The following CAV1 variants were observed in gnomAD, a reference collection of about 807,000 sequenced individuals.
CAV1 encodes the protein caveolin 1.
In CAV1, 10 loss-of-function variants were observed where a neutral mutation model predicts 16.5. The observed-to-expected ratio is 0.61, with a 90% CI of 0.37 to 1.03. CAV1 has a LOEUF of 1.03. Ranked by LOEUF, CAV1 falls within the 50% of genes least tolerant of loss-of-function variation. The probability of loss-of-function intolerance (pLI) is 0.01; values close to 1 mark genes in which losing one functional copy is unlikely to be tolerated. For synonymous variants in CAV1, 76 were observed against 85.1 expected, an observed-to-expected ratio of 0.89 and a Z score of 0.59; for missense variants, 212 against 232.8, an observed-to-expected ratio of 0.91 and a Z score of 0.58.
At chr7:116,551,217 C>A (rs568849167) in intron 2 of CAV1, among the ~76,000 whole-genome samples, 1 of 152,304 alleles carries the variant, frequency 6.6e-6, no homozygotes, top group African/African-American at 2.4e-5. Context: ...CCAGGTGATC[C>A]TTTTGCTGAG....
In CAV1 at chr7:116,546,697, CAA is replaced by C. The variant is rs5886830; in HGVS notation, c.196-12233_196-12232del. On this transcript the variant is annotated intron_variant, in intron 2 of 2. Coordinates refer to ENST00000341049, the MANE Select transcript of CAV1 (RefSeq NM_001753.5). ...GGGCAACAAGAATGAGACTCTGTCACAAAAAAAAAAAAAAAAAGTCTGCAGGC... is the reference window on the plus strand; with the variant it reads ...GGGCAACAAGAATGAGACTCTGTCACAAAAAAAAAAAAAAAGTCTGCAGGC... 2.3e-3 allele frequency among the ~76,000 whole-genome samples: 205 copies of C among 88,370 alleles called. 2 individuals are homozygous for C. Among genetic ancestry groups the C allele is most frequent in the East Asian group, 0.011 (37 of 3,406 alleles). The allele number at this position is 88,370 out of a possible 152,430, so 58.0% of individuals were successfully genotyped here.
intron 1 of CAV1, 175 bp from the exon 2 acceptor site, chr7:116,526,350 C>T (rs1793558987): frequency 6.7e-7 from 1 of 1,484,650 alleles, no homozygotes; most frequent in Non-Finnish European, 8.9e-7. Context: ...TGGCTACGCG[C>T]AGGCGGTTTC....
chr7:116,553,441 A>G (rs1255104278), intron 2 of CAV1, among the ~76,000 whole-genome samples: 1 of 152,066 alleles, frequency 6.6e-6, no homozygotes, highest in Non-Finnish European at 1.5e-5. Context: ...CTCCTTATAA[A>G]GCATCTGTTG....
intron 2 of CAV1, among the ~76,000 whole-genome samples, chr7:116,533,322 G>A (rs1033763886): frequency 1.3e-5 from 2 of 148,720 alleles, no homozygotes; most frequent in South Asian, 4.3e-4. Context: ...TGGTGACACA[G>A]CGAGACTCCG....
chr7:116,548,764 G>A (rs1419654264), intron 2 of CAV1, among the ~76,000 whole-genome samples: 1 of 152,162 alleles, frequency 6.6e-6, no homozygotes, highest in Non-Finnish European at 1.5e-5. Context: ...ACCTCCCTGA[G>A]GCTCGGTCTC....
intron 2 of CAV1, among the ~76,000 whole-genome samples, chr7:116,532,064 A>G (rs894404859): frequency 2.0e-5 from 3 of 152,198 alleles, no homozygotes; most frequent in African/African-American, 7.2e-5. Flanking sequence ...CAATCAAAAA[A>G]CTTCGGTTTT....
At chr7:116,555,590 A>AAGAAAGAAAGAAAGAGAAAGAAAG (rs1794273636) in intron 2 of CAV1, among the ~76,000 whole-genome samples, 2 of 99,106 alleles carry the variant, frequency 2.0e-5, no homozygotes, top group African/African-American at 4.1e-5. Context: ...GAAAGAAAGA[A>AAGAAAGAAAGAAAGAGAAAGAAAG]AGAAAGAAAG....
chr7:116,536,530 G>T (rs1793820624), intron 2 of CAV1, among the ~76,000 whole-genome samples: 1 of 152,218 alleles, frequency 6.6e-6, no homozygotes, highest in South Asian at 2.1e-4. Flanking sequence ...AGCAGAGGGA[G>T]CAACAGGAGC....
In CAV1 at chr7:116,525,062, C is replaced by G; in HGVS notation, c.-1C>G. On this transcript the variant is annotated 5_prime_UTR_variant, in exon 1 of 3. Coordinates refer to ENST00000341049, the MANE Select transcript of CAV1 (RefSeq NM_001753.5). ...CAGTTTTCATCCAGCCACGGGCCAG[C>G]ATGTCTGGGGGCAAATACGTAGACT... 1 of 1,614,218 alleles carries G rather than the reference C, an allele frequency of 6.2e-7. No individual in the cohort carries two copies. Among genetic ancestry groups the G allele is most frequent in the Non-Finnish European group, 8.5e-7 (1 of 1,180,036 alleles).
intron 2 of CAV1, among the ~76,000 whole-genome samples, chr7:116,555,388 G>T (rs1167168528): frequency 6.7e-6 from 1 of 150,084 alleles, no homozygotes; most frequent in Admixed American, 6.7e-5. Context: ...GCAGTGGGCA[G>T]TGATCATGCC....
chr7:116,543,551 C>G (rs529593386), intron 2 of CAV1, among the ~76,000 whole-genome samples: 1 of 152,360 alleles, frequency 6.6e-6, no homozygotes, highest in African/African-American at 2.4e-5. Context: ...TTGGCTGTAT[C>G]TGTTCTAAGA....
intron 2 of CAV1, among the ~76,000 whole-genome samples, chr7:116,546,866 T>C (rs954701399): frequency 6.6e-6 from 1 of 152,128 alleles, no homozygotes; most frequent in African/African-American, 2.4e-5. Flanking sequence ...CAGAAATTTC[T>C]TGGGGACAAA....
chr7:116,553,364 T>C (rs911609571), intron 2 of CAV1, among the ~76,000 whole-genome samples: 43 of 152,132 alleles, frequency 2.8e-4, no homozygotes, highest in African/African-American at 1.0e-3. Flanking sequence ...AATTGTAGTA[T>C]CATAAGCCAA....
rs1049337 is a variant in CAV1 at position 116,560,533 on chromosome 7, C to T, written c.*1246C>T. Reference sequence around the variant, plus strand: ...GAGCTTTGGACCTAATCCAAGCATCCCTTTGCCCAGAAAGAAGATGGGGGA... The same window carrying T: ...GAGCTTTGGACCTAATCCAAGCATCTCTTTGCCCAGAAAGAAGATGGGGGA... On this transcript the variant is annotated 3_prime_UTR_variant, in exon 3 of 3. Transcript: ENST00000341049. The T allele has an allele frequency of 0.25, 38,575 of 152,062 alleles. 5,986 individuals carry two copies. Among genetic ancestry groups the T allele is most frequent in the East Asian group, 0.56 (2,913 of 5,158 alleles). 9.4% of individuals were successfully genotyped at this position (152,062 alleles called of 1,614,324 possible). A position where few individuals can be genotyped will look rare whatever the true frequency, so the allele number is the denominator to read the frequency against.
At chr7:116,553,307 C>T (rs1384073921) in intron 2 of CAV1, among the ~76,000 whole-genome samples, 2 of 151,904 alleles carry the variant, frequency 1.3e-5, no homozygotes, top group East Asian at 3.9e-4. Context: ...GGACAGATTG[C>T]TTTTCTTGAC....
intron 2 of CAV1, among the ~76,000 whole-genome samples, chr7:116,550,556 G>A (rs1017979667): frequency 6.6e-6 from 1 of 152,140 alleles, no homozygotes; most frequent in South Asian, 2.1e-4. Context: ...TTAGAGCAAA[G>A]TTCCTATGTT....
intron 2 of CAV1, among the ~76,000 whole-genome samples, chr7:116,549,101 A>T (rs545013128): frequency 6.6e-6 from 1 of 152,314 alleles, no homozygotes; most frequent in South Asian, 2.1e-4. Context: ...AGACACGCAC[A>T]TACACAGACC....
At position 116,559,212 on chromosome 7, in the gene CAV1, C is replaced by T. The variant is rs780248187; in HGVS notation, c.462C>T (p.Thr154=). 4 of 1,613,788 alleles carry T rather than the reference C, an allele frequency of 2.5e-6. No homozygotes were observed. Among genetic ancestry groups the T allele is most frequent in the East Asian group, 4.5e-5 (2 of 44,888 alleles). ...GTGTCTATTCCATCTACGTCCACAC[C>T]GTCTGTGACCCACTCTTTGAAGCTG... ...ISRVYSIYVH[T]VCDPLFEAVG... is the part of the protein sequence containing the mutation. Residue 154 remains threonine, a synonymous_variant, in exon 3 of 3, where the codon ACC becomes ACT. Transcript: ENST00000341049.
intron 2 of CAV1, among the ~76,000 whole-genome samples, chr7:116,536,074 C>T (rs1782698373): frequency 6.6e-6 from 1 of 152,144 alleles, no homozygotes; most frequent in African/African-American, 2.4e-5. Flanking sequence ...TGGGTCATCT[C>T]ATGCATGGTG....
Sources: gnomAD v4.1 joint callset for allele counts (sites outside exome capture counted in the v4.1 genomes callset) on GRCh38, gnomAD v4.1.1 for gene constraint, MANE v1.5 for transcripts, NCBI Gene and HGNC (gene_info 2026-07-23, HGNC 2026-07-21) for gene names.